Variants in RTL9 observed in about 807,000 individuals in gnomAD.
RTL9 encodes the protein retrotransposon Gag like 9, also known as retrotransposon Gag-like protein 9.
RTL9 carries 19 observed loss-of-function variants against 44.7 expected under a neutral mutation model. The ratio of observed to expected loss-of-function variants is 0.42; its 90% CI spans 0.30 to 0.62. The LOEUF (loss-of-function observed/expected upper bound fraction) is 0.62, where lower values mean the gene tolerates loss of function less well. Among genes scored for constraint, RTL9 ranks in the 20% least tolerant of loss-of-function variants. The pLI, the probability that RTL9 is intolerant of heterozygous loss-of-function variation, is 0.16. For synonymous variants in RTL9, 407 were observed against 398.9 expected (o/e 1.02, Z -0.24); for missense variants, 1,105 against 1,080.6 (o/e 1.02, Z -0.32).
intron 1 of RTL9, among the ~76,000 whole-genome samples, chrX:110,423,783 G>A (rs1281167104): frequency 1.8e-5 from 2 of 112,224 alleles, no homozygotes; most frequent in Non-Finnish European, 3.8e-5. Flanking sequence ...CATTCACTGG[G>A]AATGGTTTGT....
intron 1 of RTL9, among the ~76,000 whole-genome samples, chrX:110,433,147 C>T (rs772773506): frequency 1.3e-4 from 15 of 112,497 alleles, no homozygotes; most frequent in Non-Finnish European, 1.7e-4. Flanking sequence ...TTGCTGAAAA[C>T]GCTGAGAGTG....
intron 1 of RTL9, among the ~76,000 whole-genome samples, chrX:110,364,581 C>T (rs1315009720): frequency 1.8e-5 from 2 of 111,136 alleles, no homozygotes; most frequent in Non-Finnish European, 3.8e-5. Flanking sequence ...CAAATTATTG[C>T]CTTATAAGTT....
chrX:110,375,745 T>C (rs1002991135), intron 1 of RTL9, among the ~76,000 whole-genome samples: 1 of 112,336 alleles, frequency 8.9e-6, no homozygotes, highest in Non-Finnish European at 1.9e-5. Flanking sequence ...CTATTTGTAG[T>C]ACTTTAAGGG....
intron 1 of RTL9, among the ~76,000 whole-genome samples, chrX:110,366,326 A>C (rs1227987873): frequency 1.8e-5 from 2 of 111,837 alleles, no homozygotes; most frequent in African/African-American, 3.3e-5. Context: ...GAATATTCAG[A>C]GTCCTTAATA....
intron 1 of RTL9, among the ~76,000 whole-genome samples, chrX:110,439,420 G>T (rs1471994549): frequency 8.9e-6 from 1 of 112,216 alleles, no homozygotes; most frequent in Non-Finnish European, 1.9e-5. Flanking sequence ...TTACCATGGA[G>T]GAGTTTCTAG....
intron 1 of RTL9, among the ~76,000 whole-genome samples, chrX:110,373,693 G>A (rs1179978561): frequency 8.9e-6 from 1 of 112,013 alleles, no homozygotes; most frequent in Non-Finnish European, 1.9e-5. Flanking sequence ...TAGCCCTCAT[G>A]TATGAAAGAA....
Position 110,453,165 on chromosome X carries a change from A to T in RTL9, c.2548A>T (p.Thr850Ser), listed in dbSNP as rs1317025838. Residue 850 changes from threonine (T) to serine (S), a missense_variant, in exon 1 of 2, where the codon ACA becomes TCA. Coordinates refer to ENST00000540313, the Ensembl canonical transcript of RTL9. ...CTCTGGAGCAATGTCCATGCCACTAACAAGATCCACAGCCTCTGGAGGGAT... is the reference window on the plus strand; with the variant it reads ...CTCTGGAGCAATGTCCATGCCACTATCAAGATCCACAGCCTCTGGAGGGAT... The T allele has an allele frequency of 8.3e-6, 10 of 1,210,216 alleles. No individual in the cohort carries two copies. The African/African-American group carries it at 1.6e-4, about 19-fold the overall frequency.
intron 1 of RTL9, among the ~76,000 whole-genome samples, chrX:110,431,355 G>GTGTGT (rs1569428611): frequency 9.2e-6 from 1 of 108,966 alleles, no homozygotes; most frequent in Admixed American, 9.8e-5. Context: ...GTGTGTGTGT[G>GTGTGT]CTGGCTGAGG....
At chrX:110,418,749 C>T (rs778389611), upstream of RTL9, among the ~76,000 whole-genome samples, 5 of 111,734 alleles carry the variant, frequency 4.5e-5, no homozygotes, top group Admixed American at 2.8e-4. Context: ...TATTCCTGAT[C>T]CTCCAATTTT....
chrX:110,404,836 G>A (rs1452865354), intron 1 of RTL9, among the ~76,000 whole-genome samples: 3 of 111,106 alleles, frequency 2.7e-5, no homozygotes, highest in Non-Finnish European at 5.7e-5. Context: ...GATTTTTCTT[G>A]GCATAAGTAA....
At chrX:110,410,120 T>C (rs901392762) in intron 1 of RTL9, among the ~76,000 whole-genome samples, 2 of 111,771 alleles carry the variant, frequency 1.8e-5, no homozygotes, top group Non-Finnish European at 3.8e-5. Context: ...GGTAGCCAGC[T>C]GAGTCACCGA....
rs1201123866 is a variant in RTL9 at position 110,392,663 on chromosome X, G to C, written c.-168+33747G>C. Among the ~76,000 whole-genome samples, 6 of 111,675 alleles carry C rather than the reference G, an allele frequency of 5.4e-5. No individual in the cohort carries two copies. In the South Asian group the frequency reaches 2.3e-3, roughly 43 times the overall value. On this transcript the variant is annotated intron_variant, in intron 1 of 2. Transcript: ENST00000520821. ...TCACGCAAGAGTGCCTTTTGAGCCT[G>C]TGTTTGACAGGAAGTTTCTATTCAG...
chrX:110,433,563 T>C (rs776923920), intron 1 of RTL9, among the ~76,000 whole-genome samples: 8 of 111,766 alleles, frequency 7.2e-5, no homozygotes, highest in Non-Finnish European at 1.3e-4. Flanking sequence ...TATACATAGG[T>C]CATTTGTATT....
intron 1 of RTL9, among the ~76,000 whole-genome samples, chrX:110,367,607 A>G (rs1409848210): frequency 1.8e-5 from 2 of 110,930 alleles, no homozygotes; most frequent in East Asian, 5.6e-4. Flanking sequence ...CTTCATTTTC[A>G]TGATAACTAG....
intron 1 of RTL9, among the ~76,000 whole-genome samples, chrX:110,371,455 T>A (rs888892927): frequency 2.7e-5 from 3 of 111,642 alleles, no homozygotes; most frequent in African/African-American, 9.8e-5. Flanking sequence ...CTGGCTATAG[T>A]CACCCTGTTG....
chrX:110,451,506 C>A, exon 1 of RTL9: 1 of 1,212,009 alleles, frequency 8.3e-7, no homozygotes, highest in Non-Finnish European at 1.1e-6. Context: ...AATACCTACC[C>A]CGCTCATGTC....
intron 1 of RTL9, among the ~76,000 whole-genome samples, chrX:110,389,172 A>C (rs2068477834): frequency 8.9e-6 from 1 of 112,683 alleles, no homozygotes; most frequent in Non-Finnish European, 1.9e-5. Context: ...TAAAATGTGA[A>C]TGAATGAATG....
At position 110,452,513 on chromosome X, in the gene RTL9, G is replaced by A. The variant is rs748627571; in HGVS notation, c.1896G>A (p.Met632Ile). The A allele has an allele frequency of 1.5e-5, 18 of 1,209,740 alleles. No homozygotes were observed. In the South Asian group the frequency reaches 3.2e-4, roughly 21 times the overall value. The change falls in exon 1 of 2, where the codon ATG becomes ATA. Residue 632 changes from methionine to isoleucine, a missense_variant. Transcript: ENST00000540313. ...CAGGAACGATGTTCACGGAGAAAAT[G>A]ACAACCACAGCTTCTGAAGCAATGC...
intron 1 of RTL9, among the ~76,000 whole-genome samples, chrX:110,443,291 G>A (rs780168730): frequency 1.8e-5 from 2 of 111,195 alleles, no homozygotes; most frequent in Non-Finnish European, 3.8e-5. Context: ...TAGTGTTTCA[G>A]AATCACTTGG....
Sources: allele counts gnomAD v4.1 joint callset (sites outside exome capture counted in the v4.1 genomes callset), GRCh38; gene constraint gnomAD v4.1.1; transcripts MANE v1.5; gene names NCBI Gene and HGNC (gene_info 2026-07-23, HGNC 2026-07-21).